DLG5: variants seen among roughly 807,000 people sequenced by gnomAD.
DLG5 encodes discs large MAGUK scaffold protein 5.
DLG5 carries 48 observed loss-of-function variants against 189.8 expected under a neutral mutation model. The ratio of observed to expected loss-of-function variants is 0.25; its 90% confidence interval spans 0.20 to 0.32. DLG5 has a LOEUF of 0.32. DLG5 is among the 10% of genes least tolerant of loss of function. The pLI, the probability that DLG5 is intolerant of heterozygous loss-of-function variation, is 1.00. For synonymous variants in DLG5, 1,016 were observed against 1,054.1 expected, an observed-to-expected ratio of 0.96 and a Z score of 0.70; for missense variants, 2,160 against 2,544.7, an observed-to-expected ratio of 0.85 and a Z score of 3.25.
At chr10:77,835,977 G>A (rs1306126029) in intron 7 of DLG5, 55 bp from the exon 8 acceptor site, 6 of 1,565,230 alleles carry the variant, frequency 3.8e-6, no homozygotes, top group South Asian at 3.5e-5. Flanking sequence ...CATGGACCAG[G>A]AGCGCCTCCC....
At chr10:77,798,725 A>C (rs1250282171) in intron 27 of DLG5, among the ~76,000 whole-genome samples, 1 of 152,126 alleles carries the variant, frequency 6.6e-6, no homozygotes. Context: ...TTCTGGATCG[A>C]CTTATCCACT....
chr10:77,908,879 A>G (rs1000410526), intron 1 of DLG5, among the ~76,000 whole-genome samples: 1 of 152,210 alleles, frequency 6.6e-6, no homozygotes, highest in African/African-American at 2.4e-5. Context: ...TGTGCTATAA[A>G]GCACAAAATG....
Position 77,821,223 on chromosome 10 carries a change from G to A in DLG5, c.3261C>T (p.His1087=), listed in dbSNP as rs1568148851. 6.2e-7 allele frequency: 1 copy of A among 1,614,152 alleles called. No homozygotes were observed. The highest frequency in any genetic ancestry group is 8.5e-7 in the Non-Finnish European group (1 of 1,180,054). ...YYPEGDGDSS[H]LPAKKSCDED... ...CATCACAGGATTTCTTGGCCGGCAG[G>A]TGGGAGGAGTCCCCATCTCCTTCAG... Residue 1087 remains histidine, a synonymous_variant, in exon 15 of 32, where the codon CAC becomes CAT. Coordinates refer to ENST00000372391, the MANE Select transcript of DLG5 (RefSeq NM_004747.4).
chr10:77,825,105 C>G (rs1309799765), intron 13 of DLG5, among the ~76,000 whole-genome samples: 1 of 152,190 alleles, frequency 6.6e-6, no homozygotes, highest in Non-Finnish European at 1.5e-5. Flanking sequence ...CACGCAGCCT[C>G]TTGGGTGGAT....
chr10:77,867,232 A>G (rs1844718677), intron 2 of DLG5: 1 of 393,482 alleles, frequency 2.5e-6, no homozygotes, highest in Non-Finnish European at 5.1e-6. Flanking sequence ...AGTAATTGCT[A>G]TGGGTTAGGC....
chr10:77,877,025 G>A (rs752406198), intron 1 of DLG5, among the ~76,000 whole-genome samples: 1 of 152,040 alleles, frequency 6.6e-6, no homozygotes, highest in East Asian at 1.9e-4. Flanking sequence ...ACCACACCTG[G>A]CTTTTGTGTC....
intron 1 of DLG5, among the ~76,000 whole-genome samples, chr10:77,886,204 G>T (rs771401552): frequency 3.9e-5 from 6 of 152,158 alleles, no homozygotes; most frequent in Non-Finnish European, 7.3e-5. Flanking sequence ...AGGCTTTTAA[G>T]ATGCTGCTCA....
chr10:77,806,685 A>C, intron 26 of DLG5, 73 bp downstream of exon 26: 2 of 1,497,500 alleles, frequency 1.3e-6, no homozygotes, highest in Non-Finnish European at 1.8e-6. Flanking sequence ...GCCCCCTCCC[A>C]TGGGACAGCT....
intron 1 of DLG5, among the ~76,000 whole-genome samples, chr10:77,883,701 T>TC (rs1845352605): frequency 6.9e-6 from 1 of 144,470 alleles, no homozygotes; most frequent in Non-Finnish European, 1.5e-5. Flanking sequence ...CTTTTTTTTT[T>TC]TTTTTTTTTT....
intron 8 of DLG5, 54 bp downstream of exon 8, chr10:77,835,684 G>T (rs1018508387): frequency 3.9e-5 from 60 of 1,539,442 alleles, no homozygotes; most frequent in Non-Finnish European, 5.2e-5. Flanking sequence ...ACCCTAGCAG[G>T]TCCCCTCATC....
intron 1 of DLG5, among the ~76,000 whole-genome samples, chr10:77,872,757 G>A (rs1399737403): frequency 6.6e-6 from 1 of 152,088 alleles, no homozygotes; most frequent in African/African-American, 2.4e-5. Context: ...GCTTCCATGG[G>A]GCGGAGGGGC....
At chr10:77,930,858 T>C (rs560489807), upstream of DLG5, among the ~76,000 whole-genome samples, 25 of 145,592 alleles carry the variant, frequency 1.7e-4, no homozygotes, top group African/African-American at 6.1e-4. Flanking sequence ...TTCACTCTTG[T>C]TGCCCAGGCT....
chr10:77,831,011 G>C, intron 9 of DLG5, 138 bp from the exon 10 acceptor site: 1 of 1,086,386 alleles, frequency 9.2e-7, no homozygotes. Flanking sequence ...CAATAACTCA[G>C]AGTCAGGTCA....
At chr10:77,817,589 T>C (rs1842124108) in intron 18 of DLG5, among the ~76,000 whole-genome samples, 188 bp downstream of exon 18, 1 of 152,194 alleles carries the variant, frequency 6.6e-6, no homozygotes, top group Non-Finnish European at 1.5e-5. Context: ...AAGCAATGGC[T>C]CTGACAGCAG....
chr10:77,898,403 G>GTGC (rs1304471036), intron 1 of DLG5, among the ~76,000 whole-genome samples: 7 of 152,248 alleles, frequency 4.6e-5, no homozygotes, highest in African/African-American at 1.7e-4. Flanking sequence ...AGGGGAGACA[G>GTGC]TGCTAGCAGC....
chr10:77,839,568 G>A (rs1843319145), intron 7 of DLG5, among the ~76,000 whole-genome samples: 1 of 152,172 alleles, frequency 6.6e-6, no homozygotes, highest in Admixed American at 6.5e-5. Context: ...TTATTCCCCA[G>A]GCGTGTGTCT....
At chr10:77,886,331 GC>G (rs1316562325) in intron 1 of DLG5, among the ~76,000 whole-genome samples, 43 of 150,852 alleles carry the variant, frequency 2.9e-4, no homozygotes, top group African/African-American at 9.3e-4. Context: ...AGAAATGCTT[GC>G]CCCCTTAGGG....
rs575331157 is a variant in DLG5, at chr10:77,857,313, T to A, written c.374-421A>T. On this transcript the variant is annotated intron_variant, in intron 2 of 31. Transcript: ENST00000372391. ...TGTGCCCTGAGGAGAGTGGAAGGCA[T>A]GGCTCGAGGAGAAAGGCACACCTGA... Among the ~76,000 whole-genome samples the A allele has an allele frequency of 6.6e-5, 10 of 152,332 alleles. No homozygotes were observed. In the East Asian group the frequency reaches 1.9e-3, roughly 29 times the overall value.
intron 14 of DLG5, among the ~76,000 whole-genome samples, chr10:77,822,456 C>T (rs1339314507): frequency 2.0e-5 from 3 of 152,024 alleles, no homozygotes; most frequent in Admixed American, 6.6e-5. Flanking sequence ...CCAGCCTGAC[C>T]GATATGGTGA....
Sources: allele counts gnomAD v4.1 joint callset (sites outside exome capture counted in the v4.1 genomes callset), GRCh38; gene constraint gnomAD v4.1.1; transcripts MANE v1.5; gene names NCBI Gene and HGNC (gene_info 2026-07-23, HGNC 2026-07-21).